The following XIAP variants were observed in gnomAD, a reference collection of about 807,000 sequenced individuals.
XIAP encodes the protein E3 ubiquitin-protein ligase XIAP.
XIAP carries 3 observed loss-of-function variants against 33.1 expected under a neutral mutation model. The observed-to-expected ratio is 0.09, with a 90% confidence interval of 0.04 to 0.23. The LOEUF (loss-of-function observed/expected upper bound fraction) is 0.23, where lower values mean the gene tolerates loss of function less well. Ranked by LOEUF, XIAP falls within the 10% of genes least tolerant of loss-of-function variation. XIAP has a pLI of 1.00. For synonymous variants in XIAP, 98 were observed against 121.3 expected, an observed-to-expected ratio of 0.81 and a Z score of 1.26; for missense variants, 264 against 363.0, an observed-to-expected ratio of 0.73 and a Z score of 2.22.
At chrX:123,866,980 T>G (rs964630595) in intron 1 of XIAP, among the ~76,000 whole-genome samples, 3 of 105,783 alleles carry the variant, frequency 2.8e-5, no homozygotes, top group Non-Finnish European at 5.8e-5. Context: ...ATGTGTTTAT[T>G]ATAGAAAATT....
chrX:123,862,059 T>G (rs1208743266), intron 1 of XIAP, among the ~76,000 whole-genome samples: 1 of 109,619 alleles, frequency 9.1e-6, no homozygotes, highest in Non-Finnish European at 1.9e-5. Flanking sequence ...TAGCATGGTG[T>G]TTTTTTTTAT....
At chrX:123,873,934 A>G (rs2053218951) in intron 1 of XIAP, 1 of 98,569 alleles carries the variant, frequency 1.0e-5, no homozygotes, top group Non-Finnish European at 2.0e-5. Context: ...AGTCCGTCTG[A>G]AAAAAAAAAA....
Position 123,913,183 on chromosome X carries a change from C to CA in XIAP, c.*6005dup. 1 of 328,821 alleles carries CA rather than the reference C, an allele frequency of 3.0e-6. No homozygotes were observed. The highest frequency in any genetic ancestry group is 5.9e-6 in the Non-Finnish European group (1 of 169,852). The allele number at this position is 328,821 out of a possible 1,213,427, so 27.1% of individuals were successfully genotyped here. A position where few individuals can be genotyped will look rare whatever the true frequency, so the allele number is the denominator to read the frequency against. ...GGGACAATTGTATCTTCAAAGTAGACAAATGGCGCCGGGCACGGTGGCTCA... is the reference window on the plus strand; with the variant it reads ...GGGACAATTGTATCTTCAAAGTAGACAAAATGGCGCCGGGCACGGTGGCTCA... On this transcript the variant is annotated 3_prime_UTR_variant, in exon 7 of 7. Transcript: ENST00000371199.
At chrX:123,867,044 C>CG (rs1219787419) in intron 1 of XIAP, among the ~76,000 whole-genome samples, 4 of 74,530 alleles carry the variant, frequency 5.4e-5, no homozygotes, top group Non-Finnish European at 7.7e-5. Flanking sequence ...TAATCCCCCC[C>CG]CCCCCTTCAA....
Position 123,907,584 on chromosome X carries a change from A to G in XIAP, c.*403A>G, listed in dbSNP as rs1291667871. The stretch of plus-strand genomic sequence containing the variant: ...GTGGAGATTAGAGTTAATCTCCCCA[A>G]TCACATAATTTGTTTTGTGTGAAAA... On this transcript the variant is annotated 3_prime_UTR_variant, in exon 7 of 7. Transcript: ENST00000371199. The G allele has an allele frequency of 2.6e-6, 1 of 379,399 alleles. No individual in the cohort carries two copies. The highest frequency in any genetic ancestry group is 4.9e-6 in the Non-Finnish European group (1 of 202,439). The allele number at this position is 379,399 out of a possible 1,213,427, so 31.3% of individuals were successfully genotyped here.
chrX:123,864,023 AT>A (rs773901430), intron 1 of XIAP, among the ~76,000 whole-genome samples: 2 of 107,551 alleles, frequency 1.9e-5, no homozygotes, highest in South Asian at 3.8e-4. Flanking sequence ...AAGAATTATT[AT>A]TTTTTTCTTT....
chrX:123,864,505 T>C (rs1190906515), intron 1 of XIAP, among the ~76,000 whole-genome samples: 2 of 101,346 alleles, frequency 2.0e-5, no homozygotes, highest in African/African-American at 3.6e-5. Context: ...CTGGCTCTGT[T>C]GCCCAGGCTG....
intron 1 of XIAP, among the ~76,000 whole-genome samples, chrX:123,868,132 G>A (rs1273118520): frequency 2.7e-5 from 3 of 109,801 alleles, no homozygotes; most frequent in Non-Finnish European, 5.7e-5. Context: ...GACCAGCCTG[G>A]GCAACATCGT....
intron 6 of XIAP, among the ~76,000 whole-genome samples, chrX:123,906,633 T>G (rs2053557235): frequency 8.9e-6 from 1 of 111,889 alleles, no homozygotes; most frequent in African/African-American, 3.2e-5. Flanking sequence ...CATGCTTAAA[T>G]GTCACTCCTC....
chrX:123,891,367 T>C lies in XIAP; in HGVS notation c.1056+51T>C. 3 of 614,027 alleles carry C rather than the reference T, an allele frequency of 4.9e-6. No homozygotes were observed. The East Asian group carries it at 1.1e-4, about 23-fold the overall frequency. The allele number at this position is 614,027 out of a possible 1,213,427, so 50.6% of individuals were successfully genotyped here. A position where few individuals can be genotyped will look rare whatever the true frequency, so the allele number is the denominator to read the frequency against. ...CAAATTCACATTTCAAATTATAATT[T>C]ATATTTTCATTATGTAGTTTATATT... On this transcript the variant is annotated intron_variant, in intron 4 of 6. Transcript: ENST00000371199.
Position 123,910,765 on chromosome X carries a change from G to A in XIAP, c.*3584G>A, listed in dbSNP as rs996258606. On this transcript the variant is annotated 3_prime_UTR_variant, in exon 7 of 7. Transcript: ENST00000371199. ...CGCCTGTAGTCCCAGCTACTCGGGA[G>A]GCTGAGGCAGGAGAATGGTGTGAAC... 1 of 274,239 alleles carries A rather than the reference G, an allele frequency of 3.6e-6. No individual in the cohort carries two copies. The highest frequency in any genetic ancestry group is 1.0e-4 in the East Asian group (1 of 9,840). The allele number at this position is 274,239 out of a possible 1,213,427, so 22.6% of individuals were successfully genotyped here. A position where few individuals can be genotyped will look rare whatever the true frequency, so the allele number is the denominator to read the frequency against.
chrX:123,889,457 C>T (rs755119707), intron 3 of XIAP, among the ~76,000 whole-genome samples: 5 of 110,048 alleles, frequency 4.5e-5, no homozygotes, highest in Admixed American at 9.8e-5. Flanking sequence ...CGGCCCGCCT[C>T]GGCCTCCCAA....
intron 1 of XIAP, among the ~76,000 whole-genome samples, chrX:123,872,322 T>C (rs2053201601): frequency 9.2e-6 from 1 of 109,266 alleles, no homozygotes; most frequent in African/African-American, 3.4e-5. Context: ...AAGTCCTTTT[T>C]TTTTTTTCGT....
intron 2 of XIAP, 81 bp from the exon 3 acceptor site, chrX:123,888,538 C>T (rs1237876282): frequency 1.1e-6 from 1 of 871,997 alleles, no homozygotes; most frequent in Non-Finnish European, 1.7e-6. Context: ...TTTAGATGTG[C>T]TTAATTTTTA....
In XIAP at chrX:123,879,604, C is replaced by T. The variant is rs189763742; in HGVS notation, c.-32-6027C>T. Among the ~76,000 whole-genome samples, 254 of 108,531 alleles carry T rather than the reference C, an allele frequency of 2.3e-3. 2 individuals are homozygous for T. The highest frequency in any genetic ancestry group is 8.0e-3 in the African/African-American group (239 of 29,984). 94.2% of individuals were successfully genotyped at this position (108,531 alleles called of 115,157 possible). A position where few individuals can be genotyped will look rare whatever the true frequency, so the allele number is the denominator to read the frequency against. ...TGCTAGGATTACAGGCGTGAGCCAC[C>T]GCGCCTGGCCAGAAAGAGAGGTTTT... On this transcript the variant is annotated intron_variant, in intron 1 of 6. Transcript: ENST00000371199.
chrX:123,884,944 C>CAAAAAA (rs5903649), intron 1 of XIAP, among the ~76,000 whole-genome samples: 12 of 92,091 alleles, frequency 1.3e-4, no homozygotes, highest in Admixed American at 2.5e-4. Context: ...ATGTCATGGG[C>CAAAAAA]AAAAAAAAAA....
At chrX:123,897,442 A>G (rs1473849490) in intron 5 of XIAP, among the ~76,000 whole-genome samples, 1 of 112,135 alleles carries the variant, frequency 8.9e-6, no homozygotes, top group African/African-American at 3.2e-5. Flanking sequence ...GTAGGGGTCC[A>G]CGTCCTTTTT....
intron 2 of XIAP, among the ~76,000 whole-genome samples, chrX:123,887,705 C>G (rs1002360610): frequency 1.8e-5 from 2 of 111,210 alleles, no homozygotes; most frequent in African/African-American, 6.5e-5. Context: ...AAAGTATGGC[C>G]GGGCGCGGTG....
In XIAP at chrX:123,912,836, A is replaced by C. The variant is rs1350924090; in HGVS notation, c.*5655A>C. The stretch of plus-strand genomic sequence containing the variant: ...CCCAGTTAATTTTTTTTGTATTCTT[A>C]GTAGAGACAGGGTTTCACCATGTTG... On this transcript the variant is annotated 3_prime_UTR_variant, in exon 7 of 7. Transcript: ENST00000371199. 1 of 323,183 alleles carries C rather than the reference A, an allele frequency of 3.1e-6. No homozygotes were observed. Among genetic ancestry groups the C allele is most frequent in the Non-Finnish European group, 6.0e-6 (1 of 167,593 alleles). 26.6% of individuals were successfully genotyped at this position (323,183 alleles called of 1,213,427 possible). A position where few individuals can be genotyped will look rare whatever the true frequency, so the allele number is the denominator to read the frequency against.
Sources: gnomAD v4.1 joint callset for allele counts (sites outside exome capture counted in the v4.1 genomes callset) on GRCh38, gnomAD v4.1.1 for gene constraint, MANE v1.5 for transcripts, NCBI Gene and HGNC (gene_info 2026-07-23, HGNC 2026-07-21) for gene names.